Variants in ANKRD44 observed in about 807,000 individuals in gnomAD.
ANKRD44 encodes the protein serine/threonine-protein phosphatase 6 regulatory ankyrin repeat subunit B.
A neutral mutation model predicts 116.0 loss-of-function variants in ANKRD44; 35 were observed. The observed-to-expected ratio is 0.30, with a 90% CI of 0.23 to 0.40. The LOEUF (loss-of-function observed/expected upper bound fraction) is 0.40. ANKRD44 is among the 10% of genes least tolerant of loss of function. The probability of loss-of-function intolerance (pLI) is 1.00; values close to 1 mark genes in which losing one functional copy is unlikely to be tolerated. For synonymous variants in ANKRD44, 435 were observed against 461.8 expected (o/e 0.94, Z 0.74); for missense variants, 1,014 against 1,242.6 (o/e 0.82, Z 2.77).
At chr2:197,204,907 G>T (rs982236711) in intron 1 of ANKRD44, among the ~76,000 whole-genome samples, 1 of 152,208 alleles carries the variant, frequency 6.6e-6, no homozygotes, top group Non-Finnish European at 1.5e-5. Context: ...TAAAGGCTGG[G>T]TGTTATCAGA....
chr2:197,276,074 G>A (rs1475645624), intron 1 of ANKRD44, among the ~76,000 whole-genome samples: 3 of 151,874 alleles, frequency 2.0e-5, no homozygotes, highest in African/African-American at 7.3e-5. Flanking sequence ...TCAGGAGTTC[G>A]AGACCAGCCT....
intron 2 of ANKRD44, among the ~76,000 whole-genome samples, chr2:197,167,984 T>C (rs1190905159): frequency 6.6e-6 from 1 of 152,256 alleles, no homozygotes; most frequent in Non-Finnish European, 1.5e-5. Flanking sequence ...TCAAGAGTTT[T>C]GCAAAAATGA....
chr2:197,295,995 GATGGCACC>G (rs879905443), intron 1 of ANKRD44, among the ~76,000 whole-genome samples: 2 of 152,116 alleles, frequency 1.3e-5, no homozygotes, highest in Non-Finnish European at 2.9e-5. Flanking sequence ...GTCGAGCTAT[GATGGCACC>G]ACTGCACTCC....
chr2:197,035,599 G>A (rs188618521), intron 16 of ANKRD44, among the ~76,000 whole-genome samples: 1 of 152,284 alleles, frequency 6.6e-6, no homozygotes, highest in East Asian at 1.9e-4. Flanking sequence ...GGACATTTAT[G>A]GATCTTCAAG....
chr2:197,081,103 G>A (rs1348039939), intron 15 of ANKRD44, among the ~76,000 whole-genome samples: 1 of 152,154 alleles, frequency 6.6e-6, no homozygotes, highest in Non-Finnish European at 1.5e-5. Context: ...ACAGCAAAGA[G>A]CTACGTCTCT....
chr2:197,121,914 CAAGA>C (rs1219223309), intron 7 of ANKRD44, among the ~76,000 whole-genome samples: 5 of 152,114 alleles, frequency 3.3e-5, no homozygotes, highest in Non-Finnish European at 7.4e-5. Context: ...CAGAAAACCT[CAAGA>C]AATGGTGGGG....
At chr2:197,228,644 C>T (rs1277650140) in intron 1 of ANKRD44, among the ~76,000 whole-genome samples, 1 of 152,158 alleles carries the variant, frequency 6.6e-6, no homozygotes, top group Non-Finnish European at 1.5e-5. Context: ...GCTCTGTGTC[C>T]TACAACTAAA....
chr2:197,016,079 G>A lies in ANKRD44; in HGVS notation c.1723-2367C>T, dbSNP rs1487896724. On this transcript the variant is annotated intron_variant, in intron 17 of 27. Coordinates refer to ENST00000282272, the MANE Select transcript of ANKRD44 (RefSeq NM_001195144.2). ...GCGATGAGTTGTCAGGAGAGCTGCA[G>A]GTTACTTTGAGACAATTGTCCCAAA... The A allele has an allele frequency of 6.6e-6, 3 of 457,602 alleles. No individual in the cohort carries two copies. In the East Asian group the frequency reaches 1.7e-4, roughly 26 times the overall value. The allele number at this position is 457,602 out of a possible 1,614,324, so 28.3% of individuals were successfully genotyped here.
rs111706910 is a variant in ANKRD44, at chr2:197,026,047, CAA to C, written c.1651-782_1651-781del. ...CAGAGAAGGGGGAGATAAAAAGAAA[CAA>C]AAAAAAAAAAAACACCTTTCTGGGC... On this transcript the variant is annotated intron_variant, in intron 16 of 27. Transcript: ENST00000282272. Among the ~76,000 whole-genome samples, 158 of 130,366 alleles carry C rather than the reference CAA, an allele frequency of 1.2e-3. 2 individuals carry two copies. Among genetic ancestry groups the C allele is most frequent in the African/African-American group, 4.0e-3 (145 of 36,532 alleles). The allele number at this position is 130,366 out of a possible 152,430, so 85.5% of individuals were successfully genotyped here. A position where few individuals can be genotyped will look rare whatever the true frequency, so the allele number is the denominator to read the frequency against.
chr2:197,135,232 T>C (rs2079189174), intron 4 of ANKRD44: 1 of 152,230 alleles, frequency 6.6e-6, no homozygotes, highest in African/African-American at 2.4e-5. Context: ...TTCTGTATAT[T>C]AATTCTCAGC....
At chr2:197,086,369 T>C (rs1280132474) in intron 13 of ANKRD44, among the ~76,000 whole-genome samples, 5 of 152,200 alleles carry the variant, frequency 3.3e-5, no homozygotes, top group Admixed American at 6.5e-5. Context: ...CTAGGATTTA[T>C]GTGTTCCACT....
intron 26 of ANKRD44, chr2:196,994,504 CTTCTTCTT>C (rs1410191539): frequency 4.0e-5 from 6 of 148,290 alleles, no homozygotes. Flanking sequence ...TCTTCTTCTT[CTTCTTCTT>C]TTCTTTTTTT....
At chr2:197,269,091 G>GTTTTTGTTTTTGTTTTT (rs377613120) in intron 1 of ANKRD44, among the ~76,000 whole-genome samples, 1 of 151,468 alleles carries the variant, frequency 6.6e-6, no homozygotes, top group Non-Finnish European at 1.5e-5. Flanking sequence ...TTTTGTTTTT[G>GTTTTTGTTTTTGTTTTT]TTTTTGATCT....
At chr2:197,079,001 G>A (rs1475717554) in intron 15 of ANKRD44, among the ~76,000 whole-genome samples, 187 bp from the exon 16 acceptor site, 3 of 151,604 alleles carry the variant, frequency 2.0e-5, no homozygotes, top group Non-Finnish European at 4.4e-5. Context: ...GTGTGTGTAT[G>A]TTTTCTGTAG....
intron 2 of ANKRD44, among the ~76,000 whole-genome samples, chr2:197,154,633 C>A (rs369076641): frequency 6.6e-6 from 1 of 152,092 alleles, no homozygotes. Flanking sequence ...TTGTTTAATT[C>A]AACTTTCAAT....
At chr2:197,216,527 T>G (rs917166760) in intron 1 of ANKRD44, among the ~76,000 whole-genome samples, 4 of 152,196 alleles carry the variant, frequency 2.6e-5, no homozygotes, top group Admixed American at 2.0e-4. Flanking sequence ...TTCCCTCCGC[T>G]GTTCTCATCA....
At chr2:197,171,019 A>C (rs1423291274) in intron 2 of ANKRD44, among the ~76,000 whole-genome samples, 1 of 152,244 alleles carries the variant, frequency 6.6e-6, no homozygotes, top group Non-Finnish European at 1.5e-5. Context: ...TAAAATATTC[A>C]TGCCAAGCAT....
chr2:197,138,394 C>T (rs1283136531), intron 3 of ANKRD44, among the ~76,000 whole-genome samples: 1 of 152,148 alleles, frequency 6.6e-6, no homozygotes, highest in Non-Finnish European at 1.5e-5. Context: ...GCAAGAGAGA[C>T]TCAAGTGCTA....
chr2:197,099,464 T>C (rs866810028), intron 10 of ANKRD44: 9 of 984,468 alleles, frequency 9.1e-6, no homozygotes, highest in Non-Finnish European at 1.1e-5. Context: ...GAGCAAGCAA[T>C]CTGAATACAT....
Sources: allele counts gnomAD v4.1 joint callset (sites outside exome capture counted in the v4.1 genomes callset), GRCh38; gene constraint gnomAD v4.1.1; transcripts MANE v1.5; gene names NCBI Gene and HGNC (gene_info 2026-07-23, HGNC 2026-07-21).